Variants in METTL16 observed in about 807,000 individuals in gnomAD.
METTL16 encodes the protein RNA N(6)-adenosine-methyltransferase METTL16.
In METTL16, 19 loss-of-function variants were observed where a neutral mutation model predicts 57.9. The observed-to-expected ratio is 0.33, with a 90% CI of 0.23 to 0.48. The LOEUF is 0.48. METTL16 is among the 20% of genes least tolerant of loss of function. The pLI is 0.99. For synonymous variants in METTL16, 246 were observed against 255.6 expected (o/e 0.96, Z 0.36); for missense variants, 434 against 691.5 (o/e 0.63, Z 4.18).
intron 2 of METTL16, among the ~76,000 whole-genome samples, chr17:2,501,322 G>A (rs2067485368): frequency 6.6e-6 from 1 of 151,992 alleles, no homozygotes; most frequent in African/African-American, 2.4e-5. Context: ...TTTTTATCTG[G>A]GGAGGCTGGG....
At chr17:2,424,495 A>G (rs1199738961) in intron 8 of METTL16, 1 of 152,004 alleles carries the variant, frequency 6.6e-6, no homozygotes, top group African/African-American at 2.4e-5. Flanking sequence ...GAAGCTCTCC[A>G]TCTGCCTCAG....
In METTL16 at chr17:2,491,881, A is replaced by C. The variant is rs1966067079; in HGVS notation, c.128+10323T>G. Among the ~76,000 whole-genome samples the C allele has an allele frequency of 3.4e-5, 5 of 146,638 alleles. No homozygotes were observed. The South Asian group carries it at 1.1e-3, about 32-fold the overall frequency. ...CAGAGCGAGACACCGTCTCACAAAA[A>C]AAAAAAAAAAAAAAATCAGTTAAAA... On this transcript the variant is annotated intron_variant, in intron 2 of 9. Transcript: ENST00000263092.
At chr17:2,474,451 C>T (rs767220553) in intron 3 of METTL16, among the ~76,000 whole-genome samples, 35 of 149,236 alleles carry the variant, frequency 2.3e-4, no homozygotes, top group African/African-American at 7.4e-4. Context: ...AGAAGACATG[C>T]GAAAATATTT....
At chr17:2,440,994 A>AAAAAAAAAAG (rs1555616313) in intron 7 of METTL16, among the ~76,000 whole-genome samples, 19 of 118,870 alleles carry the variant, frequency 1.6e-4, no homozygotes, top group African/African-American at 3.7e-4. Flanking sequence ...AAAAAAAAAA[A>AAAAAAAAAAG]AAGAAGAAGA....
intron 2 of METTL16, among the ~76,000 whole-genome samples, chr17:2,494,935 T>C (rs1390670698): frequency 6.6e-6 from 1 of 151,000 alleles, no homozygotes; most frequent in African/African-American, 2.4e-5. Context: ...GAGCCGGAGG[T>C]TGCACATCTT....
At chr17:2,485,085 T>C (rs1258227428) in intron 2 of METTL16, among the ~76,000 whole-genome samples, 1 of 152,184 alleles carries the variant, frequency 6.6e-6, no homozygotes. Flanking sequence ...AAGCTTCATC[T>C]GAATTTACAG....
chr17:2,457,708 C>T (rs906995213), intron 6 of METTL16, among the ~76,000 whole-genome samples: 3 of 140,204 alleles, frequency 2.1e-5, no homozygotes, highest in Admixed American at 1.5e-4. Context: ...GAGACTCTGT[C>T]TCAAAAAAAA....
chr17:2,471,847 C>T (rs2067237336), intron 4 of METTL16, among the ~76,000 whole-genome samples: 2 of 151,996 alleles, frequency 1.3e-5, no homozygotes, highest in African/African-American at 2.4e-5. Flanking sequence ...GGGGCAGTAG[C>T]TCATGTCTAT....
At chr17:2,468,191 C>A (rs1167741807) in intron 4 of METTL16, among the ~76,000 whole-genome samples, 1 of 152,194 alleles carries the variant, frequency 6.6e-6, no homozygotes, top group African/African-American at 2.4e-5. Context: ...GCACACACTA[C>A]GATGAATCAC....
rs145826968 is a variant in METTL16, at chr17:2,490,466, A to C, written c.128+11738T>G. Among the ~76,000 whole-genome samples the C allele has an allele frequency of 3.9e-3, 597 of 152,324 alleles. 2 individuals are homozygous for C. Among genetic ancestry groups the C allele is most frequent in the African/African-American group, 0.013 (551 of 41,580 alleles). ...AAAATTCCTACGTATGAATAAAGAC[A>C]AGGGCTTAGAAAGATGAGATTACGG... On this transcript the variant is annotated intron_variant, in intron 2 of 9. Coordinates refer to ENST00000263092, the MANE Select transcript of METTL16 (RefSeq NM_024086.4).
At chr17:2,454,231 C>T (rs770417867) in intron 6 of METTL16, among the ~76,000 whole-genome samples, 6 of 152,062 alleles carry the variant, frequency 3.9e-5, no homozygotes, top group African/African-American at 7.2e-5. Flanking sequence ...CACTGGGGAA[C>T]GGTTATTTAG....
At chr17:2,504,238 C>T (rs1269373392) in intron 1 of METTL16, among the ~76,000 whole-genome samples, 1 of 152,112 alleles carries the variant, frequency 6.6e-6, no homozygotes, top group Non-Finnish European at 1.5e-5. Context: ...TGAGGAGTTA[C>T]TGTTTAATAG....
intron 1 of METTL16, among the ~76,000 whole-genome samples, chr17:2,508,534 C>T (rs2067564625): frequency 6.6e-6 from 1 of 152,154 alleles, no homozygotes; most frequent in African/African-American, 2.4e-5. Context: ...TCACAACACA[C>T]CAGGTCCTGA....
intron 2 of METTL16, among the ~76,000 whole-genome samples, chr17:2,484,809 A>G (rs1341704160): frequency 1.3e-5 from 2 of 152,170 alleles, no homozygotes; most frequent in Non-Finnish European, 2.9e-5. Flanking sequence ...CACTCTAAGT[A>G]GTTAATGTTG....
At chr17:2,463,014 T>C (rs750836114) in intron 6 of METTL16, among the ~76,000 whole-genome samples, 8 of 152,174 alleles carry the variant, frequency 5.3e-5, no homozygotes, top group Admixed American at 3.3e-4. Flanking sequence ...ATAGCTCTTT[T>C]TGAGTACCTT....
At chr17:2,462,520 C>T (rs570201703) in intron 6 of METTL16, among the ~76,000 whole-genome samples, 16 of 152,260 alleles carry the variant, frequency 1.1e-4, no homozygotes, top group African/African-American at 2.6e-4. Context: ...GTGTTGGCGA[C>T]GGGGCCTGCT....
intron 6 of METTL16, among the ~76,000 whole-genome samples, chr17:2,443,753 C>A (rs1378607133): frequency 6.6e-6 from 1 of 152,184 alleles, no homozygotes; most frequent in Non-Finnish European, 1.5e-5. Flanking sequence ...TCCACCTCGG[C>A]CTCCCGAAGT....
At position 2,473,638 on chromosome 17, in the gene METTL16, A is replaced by G; in HGVS notation, c.355T>C (p.Leu119=). 6.2e-7 allele frequency: 1 copy of G among 1,614,148 alleles called. No individual in the cohort carries two copies. The highest frequency in any genetic ancestry group is 8.5e-7 in the Non-Finnish European group (1 of 1,180,016). ...IGTGASCIYP[L]LGATLNGWYF... is the part of the protein sequence containing the mutation. ...CAGCCATTCAAGGTTGCTCCAAGTAAGGGGTAGATGCAAGATGCCCCCGTG... is the reference window on the plus strand; with the variant it reads ...CAGCCATTCAAGGTTGCTCCAAGTAGGGGGTAGATGCAAGATGCCCCCGTG... The change falls in exon 4 of 10, where the codon TTA becomes CTA. Residue 119 remains leucine, a synonymous_variant. Coordinates refer to ENST00000263092, the MANE Select transcript of METTL16 (RefSeq NM_024086.4).
At chr17:2,488,264 A>G (rs2067358016) in intron 2 of METTL16, among the ~76,000 whole-genome samples, 1 of 152,098 alleles carries the variant, frequency 6.6e-6, no homozygotes, top group African/African-American at 2.4e-5. Flanking sequence ...CTTTAAAAAG[A>G]AGGAAATCCC....
Sources: gnomAD v4.1 joint callset for allele counts (sites outside exome capture counted in the v4.1 genomes callset) on GRCh38, gnomAD v4.1.1 for gene constraint, MANE v1.5 for transcripts, NCBI Gene and HGNC (gene_info 2026-07-23, HGNC 2026-07-21) for gene names.